The following RGL1 variants were observed in gnomAD, a reference collection of about 807,000 sequenced individuals.
RGL1 encodes ral guanine nucleotide dissociation stimulator-like 1.
Under a neutral mutation model 95.2 loss-of-function variants are expected in RGL1, and 24 were observed. That is an observed-to-expected ratio of 0.25 (90% CI 0.18 to 0.35). The LOEUF (loss-of-function observed/expected upper bound fraction) is 0.35. RGL1 is among the 10% of genes least tolerant of loss of function. The probability of loss-of-function intolerance (pLI) is 1.00; values close to 1 mark genes in which losing one functional copy is unlikely to be tolerated. For missense variants in RGL1, 715 were observed against 936.3 expected (o/e 0.76, Z 3.08); for synonymous variants, 329 against 344.9 (o/e 0.95, Z 0.51).
At chr1:183,864,060 C>T (rs1665678986) in intron 3 of RGL1, among the ~76,000 whole-genome samples, 1 of 152,168 alleles carries the variant, frequency 6.6e-6, no homozygotes, top group Non-Finnish European at 1.5e-5. Flanking sequence ...ACCTGCACCT[C>T]AGCTCTGAGT....
chr1:183,901,126 C>A (rs1056321234), intron 11 of RGL1, among the ~76,000 whole-genome samples: 1 of 151,774 alleles, frequency 6.6e-6, no homozygotes, highest in African/African-American at 2.4e-5. Context: ...TGGTGAAACC[C>A]CATCTCTACT....
chr1:183,884,642 A>G, intron 6 of RGL1, 81 bp from the exon 7 acceptor site: 1 of 1,216,890 alleles, frequency 8.2e-7, no homozygotes, highest in Non-Finnish European at 1.2e-6. Flanking sequence ...AAAAATACCA[A>G]TTTACAAATG....
At chr1:183,859,382 TC>T (rs1665369034) in intron 3 of RGL1, among the ~76,000 whole-genome samples, 2 of 152,200 alleles carry the variant, frequency 1.3e-5, no homozygotes, top group African/African-American at 4.8e-5. Flanking sequence ...TTTTTTTCTT[TC>T]CCTTGGATGA....
At chr1:183,876,243 G>A (rs1558265149) in intron 4 of RGL1, among the ~76,000 whole-genome samples, 1 of 152,252 alleles carries the variant, frequency 6.6e-6, no homozygotes, top group Non-Finnish European at 1.5e-5. Context: ...ATTGGTGAAT[G>A]AATTTCTTAG....
chr1:183,727,173 G>A (rs979242967), intron 1 of RGL1, among the ~76,000 whole-genome samples: 2 of 152,008 alleles, frequency 1.3e-5, no homozygotes, highest in Non-Finnish European at 2.9e-5. Context: ...ATCAAATAAT[G>A]TTTATCCTAG....
At chr1:183,684,376 T>A (rs1462562144) in intron 1 of RGL1, among the ~76,000 whole-genome samples, 1 of 152,156 alleles carries the variant, frequency 6.6e-6, no homozygotes, top group Non-Finnish European at 1.5e-5. Flanking sequence ...TTTGTTGATG[T>A]TTATGCTATT....
chr1:183,799,985 C>T lies in RGL1; in HGVS notation c.133-6390C>T, dbSNP rs185527263. ...ATCAGATACTTTACATAGTATATTT[C>T]GTGTAATCCTCATGATAAGCATGAC... On this transcript the variant is annotated intron_variant, in intron 2 of 18. Coordinates refer to the RGL1 transcript ENST00000304685. 1.6e-4 allele frequency among the ~76,000 whole-genome samples: 24 copies of T among 152,208 alleles called. No homozygotes were observed. The East Asian group carries it at 1.9e-3, about 12-fold the overall frequency.
intron 2 of RGL1, among the ~76,000 whole-genome samples, chr1:183,771,937 G>A (rs1015412082): frequency 1.3e-5 from 2 of 152,216 alleles, no homozygotes; most frequent in South Asian, 2.1e-4. Flanking sequence ...ACACGGAGGG[G>A]AACACGCCGG....
chr1:183,846,536 ATT>A (rs66568622), intron 2 of RGL1, among the ~76,000 whole-genome samples: 33 of 140,878 alleles, frequency 2.3e-4, no homozygotes, highest in South Asian at 1.1e-3. Flanking sequence ...TTAAAGTATA[ATT>A]TTTAAAAAAA....
At chr1:183,722,604 C>G (rs905727889) in intron 1 of RGL1, among the ~76,000 whole-genome samples, 4 of 152,238 alleles carry the variant, frequency 2.6e-5, no homozygotes, top group Admixed American at 2.6e-4. Context: ...ACATTCCATA[C>G]AGGGAACAAC....
intron 2 of RGL1, among the ~76,000 whole-genome samples, chr1:183,843,797 T>A (rs774999602): frequency 1.3e-5 from 2 of 150,486 alleles, no homozygotes; most frequent in African/African-American, 2.5e-5. Flanking sequence ...GTTGTTAATA[T>A]TTAACATTGA....
chr1:183,708,044 G>T (rs1310318850), intron 1 of RGL1, among the ~76,000 whole-genome samples: 2 of 152,182 alleles, frequency 1.3e-5, no homozygotes, highest in Non-Finnish European at 2.9e-5. Flanking sequence ...GCTTAAATTA[G>T]TTAAAATTAT....
intron 1 of RGL1, chr1:183,710,022 C>A: frequency 6.3e-6 from 1 of 157,614 alleles, no homozygotes; most frequent in Non-Finnish European, 1.4e-5. Context: ...GCACTGGAAA[C>A]AACTTCCTGG....
At chr1:183,689,223 A>G (rs1180172030) in intron 1 of RGL1, among the ~76,000 whole-genome samples, 1 of 152,194 alleles carries the variant, frequency 6.6e-6, no homozygotes, top group East Asian at 1.9e-4. Context: ...TAGGCAGTGC[A>G]TCTTAGTAAA....
At chr1:183,886,727 AATG>A (rs1175596868) in intron 7 of RGL1, among the ~76,000 whole-genome samples, 1 of 152,016 alleles carries the variant, frequency 6.6e-6, no homozygotes, top group Non-Finnish European at 1.5e-5. Context: ...GTAATAAAAT[AATG>A]AGGCTTACCA....
intron 1 of RGL1, among the ~76,000 whole-genome samples, chr1:183,692,724 T>A (rs1328195336): frequency 1.3e-5 from 2 of 152,056 alleles, no homozygotes; most frequent in East Asian, 3.9e-4. Context: ...CAAACAACAA[T>A]CTATTTATGA....
At chr1:183,659,933 C>T (rs1651483805) in intron 1 of RGL1, among the ~76,000 whole-genome samples, 1 of 149,660 alleles carries the variant, frequency 6.7e-6, no homozygotes, top group Non-Finnish European at 1.5e-5. Flanking sequence ...ATTTTCAACC[C>T]AGAACTTCAT....
intron 2 of RGL1, among the ~76,000 whole-genome samples, chr1:183,811,449 AC>A (rs1464610219): frequency 2.0e-5 from 3 of 152,200 alleles, no homozygotes; most frequent in Non-Finnish European, 4.4e-5. Context: ...ATCTAGGAAA[AC>A]AGGCCCTTGG....
chr1:183,640,146 C>G (rs77882972), intron 1 of RGL1, among the ~76,000 whole-genome samples: 10,444 of 152,106 alleles, frequency 0.069, 626 homozygotes, highest in African/African-American at 0.16. Context: ...CAAAGGGAAA[C>G]TTTTATTTGG....
Sources: allele counts gnomAD v4.1 joint callset (sites outside exome capture counted in the v4.1 genomes callset), GRCh38; gene constraint gnomAD v4.1.1; transcripts MANE v1.5; gene names NCBI Gene and HGNC (gene_info 2026-07-23, HGNC 2026-07-21).